The following PPP3CA variants were observed in gnomAD, a reference collection of about 807,000 sequenced individuals.
PPP3CA encodes CAM-PRP catalytic subunit.
Under a neutral mutation model 66.5 loss-of-function variants are expected in PPP3CA, and 14 were observed. The observed-to-expected ratio is 0.21, with a 90% CI of 0.14 to 0.33. PPP3CA has a LOEUF of 0.33. Among genes scored for constraint, PPP3CA ranks in the 10% least tolerant of loss-of-function variants. PPP3CA has a pLI of 1.00. For missense variants in PPP3CA, 317 were observed against 639.5 expected, an observed-to-expected ratio of 0.50 and a Z score of 5.44; for synonymous variants, 232 against 226.2, an observed-to-expected ratio of 1.03 and a Z score of -0.23.
At chr4:101,046,350 A>G (rs1441818451) in intron 10 of PPP3CA, among the ~76,000 whole-genome samples, 1 of 152,084 alleles carries the variant, frequency 6.6e-6, no homozygotes, top group African/African-American at 2.4e-5. Context: ...TGTTATTGTT[A>G]TTGAGTTGTA....
rs184300226 is a variant in PPP3CA, at chr4:101,241,465, A to C, written c.59-45349T>G. ...CGCTCAACAAATATTTGTTGAATAA[A>C]AGAAAGAATATTTTAAAATAATTTC... On this transcript the variant is annotated intron_variant, in intron 1 of 13. Coordinates refer to ENST00000394854, the MANE Select transcript of PPP3CA (RefSeq NM_000944.5). Among the ~76,000 whole-genome samples, 406 of 152,252 alleles carry C rather than the reference A, an allele frequency of 2.7e-3. 3 individuals are homozygous for C. The highest frequency in any genetic ancestry group is 4.7e-3 in the Non-Finnish European group (320 of 68,008).
chr4:101,136,464 C>A (rs1722624002), intron 2 of PPP3CA, among the ~76,000 whole-genome samples: 1 of 151,964 alleles, frequency 6.6e-6, no homozygotes. Context: ...TGGCTTGAAC[C>A]CGGGAGGCAG....
chr4:101,070,568 C>T (rs1306029792), intron 8 of PPP3CA, among the ~76,000 whole-genome samples: 1 of 152,118 alleles, frequency 6.6e-6, no homozygotes, highest in African/African-American at 2.4e-5. Flanking sequence ...TCTGCCCTCT[C>T]ACTTTTAAAG....
At chr4:101,108,039 G>A (rs970700681) in intron 3 of PPP3CA, 1 of 152,136 alleles carries the variant, frequency 6.6e-6, no homozygotes, top group African/African-American at 2.4e-5. Context: ...ATAAAACAAG[G>A]TCTCTGCCTT....
intron 1 of PPP3CA, 33 bp from the exon 2 acceptor site, chr4:101,196,149 C>T: frequency 6.3e-7 from 1 of 1,589,698 alleles, no homozygotes; most frequent in Non-Finnish European, 8.6e-7. Flanking sequence ...ATTACATTAG[C>T]CAAAACTCAA....
At chr4:101,262,283 G>A (rs760304778) in intron 1 of PPP3CA, among the ~76,000 whole-genome samples, 68 of 152,080 alleles carry the variant, frequency 4.5e-4, no homozygotes, top group Admixed American at 1.4e-3. Flanking sequence ...AACCCCTCCA[G>A]TCTTCTCCCT....
intron 2 of PPP3CA, among the ~76,000 whole-genome samples, chr4:101,188,670 C>T (rs1724491268): frequency 6.6e-6 from 1 of 152,072 alleles, no homozygotes; most frequent in African/African-American, 2.4e-5. Context: ...CTTTTGAAGG[C>T]TTTTCCCTAC....
At chr4:101,276,376 A>G in intron 1 of PPP3CA, among the ~76,000 whole-genome samples, 1 of 152,224 alleles carries the variant, frequency 6.6e-6, no homozygotes. Flanking sequence ...AGACTCTGAA[A>G]GCATAGGTAT....
chr4:101,195,469 T>C (rs1239221831), intron 2 of PPP3CA, among the ~76,000 whole-genome samples: 1 of 152,100 alleles, frequency 6.6e-6, no homozygotes, highest in African/African-American at 2.4e-5. Context: ...TAAGAATGCA[T>C]ATTTTAACAA....
chr4:101,264,184 A>AT lies in PPP3CA; in HGVS notation c.59-68069dup, dbSNP rs1353917079. 2.0e-5 allele frequency among the ~76,000 whole-genome samples: 3 copies of AT among 152,172 alleles called. No individual in the cohort carries two copies. In the East Asian group the frequency reaches 5.8e-4, roughly 29 times the overall value. On this transcript the variant is annotated intron_variant, in intron 1 of 13. Transcript: ENST00000394854. ...AAATAAATGAAATAAGGCATGAATC[A>AT]TTTTCATATCTTTTTCCCCCATGTC...
At chr4:101,295,067 C>T (rs1487267083) in intron 1 of PPP3CA, among the ~76,000 whole-genome samples, 1 of 150,344 alleles carries the variant, frequency 6.7e-6, no homozygotes, top group Non-Finnish European at 1.5e-5. Flanking sequence ...TTTGGGAGGC[C>T]GAGGCGGGTG....
At chr4:101,095,266 A>C (rs1434030163) in intron 5 of PPP3CA, among the ~76,000 whole-genome samples, 1 of 152,170 alleles carries the variant, frequency 6.6e-6, no homozygotes, top group Admixed American at 6.6e-5. Flanking sequence ...ACAATAACTT[A>C]TTAAGGGTAG....
intron 1 of PPP3CA, among the ~76,000 whole-genome samples, chr4:101,314,293 T>C (rs543222683): frequency 1.6e-4 from 25 of 152,116 alleles, no homozygotes; most frequent in Non-Finnish European, 3.5e-4. Flanking sequence ...AATTAAGATG[T>C]TACTAATCAA....
chr4:101,286,400 C>A (rs1727849081), intron 1 of PPP3CA, among the ~76,000 whole-genome samples: 1 of 152,150 alleles, frequency 6.6e-6, no homozygotes, highest in African/African-American at 2.4e-5. Flanking sequence ...ACACCCGACT[C>A]CTTTAAAATA....
At chr4:101,337,926 TG>T (rs1729688745) in intron 1 of PPP3CA, among the ~76,000 whole-genome samples, 1 of 152,212 alleles carries the variant, frequency 6.6e-6, no homozygotes, top group Non-Finnish European at 1.5e-5. Flanking sequence ...GTACTCGTGA[TG>T]GGCCTGAAGA....
intron 1 of PPP3CA, among the ~76,000 whole-genome samples, chr4:101,258,630 A>G (rs1726917398): frequency 6.6e-6 from 1 of 151,980 alleles, no homozygotes; most frequent in African/African-American, 2.4e-5. Context: ...TTTCTTGTTT[A>G]CCTACTACTG....
At chr4:101,139,505 C>A (rs1722728358) in intron 2 of PPP3CA, among the ~76,000 whole-genome samples, 1 of 152,034 alleles carries the variant, frequency 6.6e-6, no homozygotes, top group African/African-American at 2.4e-5. Context: ...TCTAAGTACC[C>A]AGATTATGCC....
chr4:101,114,966 T>C (rs1308799945), intron 2 of PPP3CA, among the ~76,000 whole-genome samples: 2 of 152,046 alleles, frequency 1.3e-5, no homozygotes, highest in Non-Finnish European at 2.9e-5. Context: ...AAAACATAAA[T>C]ATTAACGTGT....
rs35434632 is a variant in PPP3CA at position 101,025,820 on chromosome 4, C to CAA, written c.*43_*44dup. On this transcript the variant is annotated 3_prime_UTR_variant, in exon 14 of 14. Coordinates refer to ENST00000394854, the MANE Select transcript of PPP3CA (RefSeq NM_000944.5). Reference sequence around the variant, plus strand: ...GCAATCCCCATCATGCCCCGCAGCTCAAAAAAAAAAAAAAAAAAAAAAAAA... The same window carrying CAA: ...GCAATCCCCATCATGCCCCGCAGCTCAAAAAAAAAAAAAAAAAAAAAAAAAAA... 2,159 of 478,558 alleles carry CAA rather than the reference C, an allele frequency of 4.5e-3. No homozygotes were observed. Among genetic ancestry groups the CAA allele is most frequent in the East Asian group, 8.6e-3 (134 of 15,544 alleles). The allele number at this position is 478,558 out of a possible 1,614,324, so 29.6% of individuals were successfully genotyped here. A position where few individuals can be genotyped will look rare whatever the true frequency, so the allele number is the denominator to read the frequency against.
Sources: allele counts gnomAD v4.1 joint callset (sites outside exome capture counted in the v4.1 genomes callset), GRCh38; gene constraint gnomAD v4.1.1; transcripts MANE v1.5; gene names NCBI Gene and HGNC (gene_info 2026-07-23, HGNC 2026-07-21).